Variants in KRT28 observed in about 807,000 individuals in gnomAD.
KRT28 encodes keratin, type I cytoskeletal 28.
KRT28 carries 45 observed loss-of-function variants against 48.1 expected under a neutral mutation model. The ratio of observed to expected loss-of-function variants is 0.94; its 90% CI spans 0.74 to 1.20. The LOEUF (loss-of-function observed/expected upper bound fraction) is 1.20. Among genes scored for constraint, KRT28 ranks in the 50% most tolerant of loss-of-function variants. The pLI, the probability that KRT28 is intolerant of heterozygous loss-of-function variation, is 0.00. For synonymous variants in KRT28, 228 were observed against 227.4 expected, an observed-to-expected ratio of 1.00 and a Z score of -0.03; for missense variants, 571 against 574.1, an observed-to-expected ratio of 0.99 and a Z score of 0.06.
At position 40,798,679 on chromosome 17, in the gene KRT28, C is replaced by T. The variant is rs190921046; in HGVS notation, c.533+238G>A. 4.2e-3 allele frequency among the ~76,000 whole-genome samples: 646 copies of T among 152,222 alleles called. 3 individuals are homozygous for T. The highest frequency in any genetic ancestry group is 0.015 in the African/African-American group (624 of 41,516). ...TTTTCCTTAGTTGACTAATGATTTA[C>T]TGAGCATCTACTTTGTGCTTGGCAG... On this transcript the variant is annotated intron_variant, in intron 2 of 7. Transcript: ENST00000306658.
In KRT28 at chr17:40,799,321, T is replaced by C. The variant is rs1207057487; in HGVS notation, c.450+123A>G. On this transcript the variant is annotated intron_variant, in intron 1 of 7. Transcript: ENST00000306658. ...GCCCATTTTTGAATAGTAGGAAGAA[T>C]TGTTTATCTAAATAAATAAATACAA... The C allele has an allele frequency of 6.1e-6, 5 of 817,030 alleles. No homozygotes were observed. The East Asian group carries it at 1.1e-4, about 18-fold the overall frequency. The allele number at this position is 817,030 out of a possible 1,614,324, so 50.6% of individuals were successfully genotyped here.
At chr17:40,792,950 A>G (rs189990509) in intron 7 of KRT28, among the ~76,000 whole-genome samples, 430 of 152,048 alleles carry the variant, frequency 2.8e-3, no homozygotes, top group African/African-American at 0.01. Flanking sequence ...AAATATAAAA[A>G]CTAGCTGGGC....
At position 40,792,990 on chromosome 17, in the gene KRT28, C is replaced by T. The variant is rs531505418; in HGVS notation, c.1252+165G>A. On this transcript the variant is annotated intron_variant, in intron 7 of 7. Coordinates refer to ENST00000306658, the MANE Select transcript of KRT28 (RefSeq NM_181535.3). ...TGGTGGGTGCCTGTAATCCCAGCTA[C>T]TCAAGAGGCTGGGGCAGGAGAATCA... is the stretch of plus-strand genomic sequence containing the variant. Among the ~76,000 whole-genome samples, 16 of 152,168 alleles carry T rather than the reference C, an allele frequency of 1.1e-4. No individual in the cohort carries two copies. In the South Asian group the frequency reaches 3.1e-3, roughly 30 times the overall value.
chr17:40,795,301 G>C (rs1472684697), intron 5 of KRT28, among the ~76,000 whole-genome samples: 3 of 152,046 alleles, frequency 2.0e-5, no homozygotes, highest in Non-Finnish European at 4.4e-5. Context: ...GTGCTCGGCA[G>C]CTCAAAACTT....
chr17:40,795,857 T>C (rs1176595784), intron 5 of KRT28, among the ~76,000 whole-genome samples: 1 of 151,998 alleles, frequency 6.6e-6, no homozygotes, highest in Non-Finnish European at 1.5e-5. Flanking sequence ...TCCTCAGGGA[T>C]CTAGTTCAGG....
Position 40,796,995 on chromosome 17 carries a change from G to A in KRT28, c.899C>T (p.Thr300Ile). 1 of 1,613,104 alleles carries A rather than the reference G, an allele frequency of 6.2e-7. No individual in the cohort carries two copies. The highest frequency in any genetic ancestry group is 8.5e-7 in the Non-Finnish European group (1 of 1,179,724). The part of the protein sequence containing the change: ...QQISHDSGAA[T>I]FARSQLTEMR... ...CTCGGTGAGCTGGCTCCGGGCGAAA[G>A]TGGCTGCGCCTGAGTCGTGGGAGAT... The change falls in exon 5 of 8, where the codon ACT becomes ATT. Residue 300 changes from threonine (T) to isoleucine (I), a missense_variant. Coordinates refer to ENST00000306658, the MANE Select transcript of KRT28 (RefSeq NM_181535.3).
Position 40,793,158 on chromosome 17 carries a change from T to C in KRT28, c.1249A>G (p.Lys417Glu). 2 of 1,553,806 alleles carry C rather than the reference T, an allele frequency of 1.3e-6. No homozygotes were observed. The highest frequency in any genetic ancestry group is 1.2e-5 in the South Asian group (1 of 83,624). Residue 417 changes from lysine to glutamate, a missense_variant, in exon 7 of 8, where the codon AAA (lysine) becomes GAA (glutamate). Lys to Glu is a moderately conservative substitution (Grantham distance 56). Coordinates refer to ENST00000306658, the MANE Select transcript of KRT28 (RefSeq NM_181535.3). ...FGSGSPGNSS[K>E]DLSKTTLVKT... is the part of the protein sequence containing the mutation. ...AAATAGAACTAGATTTTATTACCTT[T>C]AGATGAATTCCCAGGGCTTCCTGAT...
chr17:40,797,130 A>C lies in KRT28; in HGVS notation c.842T>G (p.Phe281Cys). The change falls in exon 4 of 8, where the codon TTC becomes TGC. Residue 281 changes from phenylalanine to cysteine, a missense_variant. Phe to Cys is a radical substitution (Grantham distance 205, BLOSUM62 -2). Transcript: ENST00000306658. ...EQNRKDAEAWFNEKSASLQQQ... is the reference protein window; with the variant it reads ...EQNRKDAEAWCNEKSASLQQQ... ...CGGGGCCCACCTCACCTTCTCATTG[A>C]ACCAGGCCTCCGCGTCCTTGCGGTT... The C allele has an allele frequency of 6.2e-7, 1 of 1,613,874 alleles. No individual in the cohort carries two copies. Among genetic ancestry groups the C allele is most frequent in the Non-Finnish European group, 8.5e-7 (1 of 1,179,868 alleles).
At position 40,799,386 on chromosome 17, in the gene KRT28, T is replaced by A; in HGVS notation, c.450+58A>T. 2.3e-6 allele frequency: 3 copies of A among 1,283,490 alleles called. No individual in the cohort carries two copies. In the East Asian group the frequency reaches 7.0e-5, roughly 30 times the overall value. The allele number at this position is 1,283,490 out of a possible 1,614,324, so 79.5% of individuals were successfully genotyped here. A position where few individuals can be genotyped will look rare whatever the true frequency, so the allele number is the denominator to read the frequency against. ...GAAGCATTTCTTATTGTATGTCTTT[T>A]GTTAGGTATTTCTTAGTTTTAAATA... On this transcript the variant is annotated intron_variant, in intron 1 of 7. Coordinates refer to ENST00000306658, the MANE Select transcript of KRT28 (RefSeq NM_181535.3).
At chr17:40,797,080 C>G in intron 4 of KRT28, 39 bp from the exon 5 acceptor site, 1 of 1,611,218 alleles carries the variant, frequency 6.2e-7, no homozygotes, top group Non-Finnish European at 8.5e-7. Flanking sequence ...GAGTCCCCAC[C>G]CCCGGGGAGG....
rs1567691239 is a variant in KRT28, at chr17:40,797,090, G to A, written c.852+30C>T. 6 of 1,612,250 alleles carry A rather than the reference G, an allele frequency of 3.7e-6. No homozygotes were observed. The African/African-American group carries it at 4.0e-5, about 11-fold the overall frequency. On this transcript the variant is annotated intron_variant, in intron 4 of 7. Coordinates refer to ENST00000306658, the MANE Select transcript of KRT28 (RefSeq NM_181535.3). ...ACACGGAGTCCCCACCCCCGGGGAG[G>A]TGTGAGCAGGGAGACGGGGCCCACC...
In KRT28 at chr17:40,792,488, G is replaced by C. The variant is rs749602163; in HGVS notation, c.1334C>G (p.Ser445Cys). The C allele has an allele frequency of 9.9e-6, 16 of 1,612,604 alleles. No homozygotes were observed. Among genetic ancestry groups the C allele is most frequent in the Non-Finnish European group, 1.4e-5 (16 of 1,178,908 alleles). Residue 445 changes from serine to cysteine, a missense_variant, in exon 8 of 8, where the codon TCC becomes TGC. Transcript: ENST00000306658. ...CATTTTAGATGTCTTTTCTTCAATGGAGTGAATCCTTGATGAAAGAACTTT... is the reference window on the plus strand; with the variant it reads ...CATTTTAGATGTCTTTTCTTCAATGCAGTGAATCCTTGATGAAAGAACTTT... ...RGKVLSSRIHSIEEKTSKMTN... is the reference protein window; with the variant it reads ...RGKVLSSRIHCIEEKTSKMTN...
In KRT28 at chr17:40,793,836, C is replaced by T; in HGVS notation, c.1189G>A (p.Asp397Asn). 6.2e-7 allele frequency: 1 copy of T among 1,613,928 alleles called. No homozygotes were observed. The highest frequency in any genetic ancestry group is 8.5e-7 in the Non-Finnish European group (1 of 1,179,826). The change falls in exon 6 of 8, where the codon GAT (aspartate) becomes AAT (asparagine). Residue 397 changes from aspartate (D) to asparagine (N), a missense_variant. Physicochemically the swap from Asp to Asn is conservative, Grantham distance 23. Transcript: ENST00000306658. ...TCAAATGGCTTTACTTACTTTCCATCTCCATCTATCAGGCGGCAGTAGGTC... is the reference window on the plus strand; with the variant it reads ...TCAAATGGCTTTACTTACTTTCCATTTCCATCTATCAGGCGGCAGTAGGTC... The part of the protein sequence containing the change: ...IETYCRLIDG[D>N]GNSCSKSKGF...
At chr17:40,799,035 G>T in intron 1 of KRT28, 36 bp from the exon 2 acceptor site, 2 of 1,250,954 alleles carry the variant, frequency 1.6e-6, no homozygotes, top group Non-Finnish European at 2.3e-6. Flanking sequence ...CAACAAGTAA[G>T]TATGCTTTTA....
chr17:40,794,089 T>C, intron 5 of KRT28, 43 bp from the exon 6 acceptor site: 1 of 1,604,770 alleles, frequency 6.2e-7, no homozygotes, highest in Non-Finnish European at 8.5e-7. Flanking sequence ...GAAAACACTC[T>C]GAGGACTAGT....
In KRT28 at chr17:40,799,825, G is replaced by A; in HGVS notation, c.69C>T (p.Pro23=). The change falls in exon 1 of 8, where the codon CCC becomes CCT. Residue 23 remains proline, a synonymous_variant. Coordinates refer to ENST00000306658, the MANE Select transcript of KRT28 (RefSeq NM_181535.3). ...CTGCAAAGCCTGCACCTCCATTGAG[G>A]GGTCTGACAGATCCAGCTCCAGACC... ...CLRSGAGSVR[P]LNGGAGFAGS... 6.2e-7 allele frequency: 1 copy of A among 1,614,014 alleles called. No individual in the cohort carries two copies. The highest frequency in any genetic ancestry group is 8.5e-7 in the Non-Finnish European group (1 of 1,180,008).
At chr17:40,796,437 G>A (rs181048266) in intron 5 of KRT28, among the ~76,000 whole-genome samples, 10 of 152,328 alleles carry the variant, frequency 6.6e-5, no homozygotes, top group African/African-American at 2.2e-4. Flanking sequence ...CAGTGCCCAT[G>A]TGGCATTCAG....
rs777634740 is a variant in KRT28 at position 40,797,287 on chromosome 17, G to A, written c.691-6C>T. The A allele has an allele frequency of 6.2e-7, 1 of 1,611,926 alleles. No individual in the cohort carries two copies. Among genetic ancestry groups the A allele is most frequent in the Admixed American group, 1.7e-5 (1 of 59,774 alleles). ...CACTGCAGAGCCTTCATCTCCTGGA[G>A]AGAAGCAAGAGTGTGGCTTTAGGGG... On this transcript the variant is annotated splice_region_variant and splice_polypyrimidine_tract_variant and intron_variant, in intron 3 of 7. Transcript: ENST00000306658.
Position 40,798,397 on chromosome 17 carries a change from G to A in KRT28, c.534-6C>T. On this transcript the variant is annotated splice_region_variant and splice_polypyrimidine_tract_variant and intron_variant, in intron 2 of 7. Coordinates refer to ENST00000306658, the MANE Select transcript of KRT28 (RefSeq NM_181535.3). ...GGGTGAGCTCATTTTCATACCTTGGGGGGCATTTAAGTGAATTTCAGTGCC... is the reference window on the plus strand; with the variant it reads ...GGGTGAGCTCATTTTCATACCTTGGAGGGCATTTAAGTGAATTTCAGTGCC... The A allele has an allele frequency of 1.9e-6, 3 of 1,593,006 alleles. No individual in the cohort carries two copies. Among genetic ancestry groups the A allele is most frequent in the Non-Finnish European group, 2.6e-6 (3 of 1,165,858 alleles).
Sources: gnomAD v4.1 joint callset for allele counts (sites outside exome capture counted in the v4.1 genomes callset) on GRCh38, gnomAD v4.1.1 for gene constraint, MANE v1.5 for transcripts, NCBI Gene and HGNC (gene_info 2026-07-23, HGNC 2026-07-21) for gene names.